Variants in SMARCA1 observed in about 807,000 individuals in gnomAD.
The protein encoded by SMARCA1 is SWI/SNF-related matrix-associated actin-dependent regulator of chromatin subfamily A member 1.
A neutral mutation model predicts 93.6 loss-of-function variants in SMARCA1; 17 were observed. The ratio of observed to expected loss-of-function variants is 0.18; its 90% CI spans 0.12 to 0.27. The LOEUF (loss-of-function observed/expected upper bound fraction) is 0.27, where lower values mean the gene tolerates loss of function less well. Among genes scored for constraint, SMARCA1 ranks in the 10% least tolerant of loss-of-function variants. The pLI is 1.00. For missense variants in SMARCA1, 630 were observed against 819.0 expected, an observed-to-expected ratio of 0.77 and a Z score of 2.82; for synonymous variants, 271 against 271.4, an observed-to-expected ratio of 1.00 and a Z score of 0.01.
intron 9 of SMARCA1, among the ~76,000 whole-genome samples, 173 bp downstream of exon 9, chrX:129,504,549 TAAAAAAAAAAAA>T (rs780225300): frequency 7.0e-4 from 17 of 24,204 alleles, no homozygotes; most frequent in South Asian, 0.01. Flanking sequence ...CATAGAGGAA[TAAAAAAAAAAAA>T]AAAAAAAAAA....
At position 129,469,946 on chromosome X, in the gene SMARCA1, T is replaced by C. The variant is rs187045554; in HGVS notation, c.2566-1041A>G. Among the ~76,000 whole-genome samples the C allele has an allele frequency of 4.1e-3, 461 of 111,811 alleles. 1 individual carries two copies. The highest frequency in any genetic ancestry group is 0.014 in the African/African-American group (440 of 30,850). On this transcript the variant is annotated intron_variant, in intron 20 of 24. Coordinates refer to ENST00000371121, the MANE Select transcript of SMARCA1 (RefSeq NM_001282874.2). ...TATTTTATTCTGTGGTAAGTTCTAA[T>C]ATTCAGCCATCTGCCATTATATTTT... is the stretch of plus-strand genomic sequence containing the variant.
At chrX:129,490,248 C>G in intron 14 of SMARCA1, 56 bp from the exon 15 acceptor site, 1 of 825,044 alleles carries the variant, frequency 1.2e-6, no homozygotes, top group Non-Finnish European at 1.7e-6. Context: ...AATTTAGAGC[C>G]ATCATATGCT....
intron 6 of SMARCA1, among the ~76,000 whole-genome samples, chrX:129,508,854 T>C (rs1934920322): frequency 8.9e-6 from 1 of 112,223 alleles, no homozygotes; most frequent in African/African-American, 3.2e-5. Context: ...CAAAAGTTAA[T>C]GGGAAGCAGC....
intron 2 of SMARCA1, 132 bp downstream of exon 2, chrX:129,518,224 GTATAT>G (rs1935269637): frequency 2.8e-6 from 1 of 359,506 alleles, no homozygotes; most frequent in South Asian, 7.6e-5. Context: ...GTGATAGATT[GTATAT>G]TAAATTATTT....
chrX:129,506,139 G>A lies in SMARCA1; in HGVS notation c.1039C>T (p.Leu347=). ...LLTGTPLQNN[L]HELWALLNFL... ...TTGAGTAAGGCCCACAGTTCATGCA[G>A]GTTATTCTGCAAAGGTGTTCCAGTT... The change falls in exon 8 of 25, where the codon CTG becomes TTG. Residue 347 remains leucine, a synonymous_variant. Transcript: ENST00000371121. The A allele has an allele frequency of 2.5e-6, 3 of 1,197,360 alleles. No individual in the cohort carries two copies. The highest frequency in any genetic ancestry group is 1.8e-5 in the South Asian group (1 of 56,549).
intron 7 of SMARCA1, 64 bp from the exon 8 acceptor site, chrX:129,506,275 T>C (rs1934805738): frequency 1.2e-6 from 1 of 823,422 alleles, no homozygotes; most frequent in South Asian, 2.6e-5. Flanking sequence ...TCAGTTATAC[T>C]GTAATTTATC....
intron 6 of SMARCA1, among the ~76,000 whole-genome samples, chrX:129,511,210 C>T (rs757530649): frequency 9.9e-5 from 11 of 111,272 alleles, no homozygotes; most frequent in Non-Finnish European, 2.1e-4. Context: ...AAACACCCCC[C>T]TAAAATGCCC....
intron 21 of SMARCA1, among the ~76,000 whole-genome samples, chrX:129,468,050 A>G (rs901617285): frequency 8.9e-6 from 1 of 112,862 alleles, no homozygotes; most frequent in Non-Finnish European, 1.9e-5. Context: ...CTAAACACGA[A>G]GAGGTTTCGC....
At chrX:129,466,154 C>G (rs1390203691) in intron 21 of SMARCA1, among the ~76,000 whole-genome samples, 192 bp from the exon 22 acceptor site, 1 of 110,972 alleles carries the variant, frequency 9.0e-6, no homozygotes, top group African/African-American at 3.3e-5. Context: ...AATAAGACCT[C>G]AAAACAAGGT....
At chrX:129,451,895 G>A (rs1369184720) in intron 23 of SMARCA1, among the ~76,000 whole-genome samples, 2 of 110,875 alleles carry the variant, frequency 1.8e-5, no homozygotes, top group African/African-American at 6.6e-5. Flanking sequence ...AGTAGAGACA[G>A]GGTTTCACCA....
chrX:129,468,137 AC>A (rs1463505643), intron 21 of SMARCA1, among the ~76,000 whole-genome samples: 1 of 112,652 alleles, frequency 8.9e-6, no homozygotes, highest in East Asian at 2.8e-4. Context: ...CCTTTACAAT[AC>A]CCTTTATAAT....
chrX:129,486,942 G>A, intron 17 of SMARCA1, 76 bp downstream of exon 17: 1 of 815,587 alleles, frequency 1.2e-6, no homozygotes, highest in Non-Finnish European at 1.8e-6. Context: ...TAATAGGTAA[G>A]TGCCAGTGTT....
At chrX:129,450,664 G>GTAT (rs755183646) in intron 23 of SMARCA1, among the ~76,000 whole-genome samples, 13 of 110,908 alleles carry the variant, frequency 1.2e-4, no homozygotes, top group South Asian at 7.5e-4. Context: ...ACACAGACAC[G>GTAT]TATTATTATT....
At chrX:129,449,322 C>G (rs1932167466) in intron 23 of SMARCA1, among the ~76,000 whole-genome samples, 1 of 111,895 alleles carries the variant, frequency 8.9e-6, no homozygotes, top group Non-Finnish European at 1.9e-5. Flanking sequence ...CCTATGTGCA[C>G]TGTGAACCAC....
At chrX:129,490,792 G>A (rs1304319046) in intron 14 of SMARCA1, among the ~76,000 whole-genome samples, 1 of 109,581 alleles carries the variant, frequency 9.1e-6, no homozygotes, top group Non-Finnish European at 1.9e-5. Flanking sequence ...GGAGGAGGGT[G>A]GTAGAGAAAA....
intron 12 of SMARCA1, among the ~76,000 whole-genome samples, chrX:129,494,389 C>T (rs1934242274): frequency 9.0e-6 from 1 of 111,646 alleles, no homozygotes; most frequent in East Asian, 2.8e-4. Context: ...CTATAGCACA[C>T]GGAATAGTGT....
intron 19 of SMARCA1, among the ~76,000 whole-genome samples, chrX:129,473,958 TA>T (rs1379717806): frequency 8.9e-6 from 1 of 111,811 alleles, no homozygotes; most frequent in Non-Finnish European, 1.9e-5. Flanking sequence ...AATGTTACTT[TA>T]AAAAATCATA....
rs147833902 is a variant in SMARCA1, at chrX:129,491,151, T to C, written c.1815+790A>G. The stretch of plus-strand genomic sequence containing the variant: ...GTGGTCAATCCCTTTCAATTCTCTA[T>C]TATAAAAGGAAAGCCTTCTAAGTTA... On this transcript the variant is annotated intron_variant, in intron 14 of 24. Transcript: ENST00000371121. 5.9e-3 allele frequency among the ~76,000 whole-genome samples: 662 copies of C among 112,030 alleles called. 4 individuals are homozygous for C. The highest frequency in any genetic ancestry group is 0.02 in the African/African-American group (620 of 30,878).
intron 17 of SMARCA1, among the ~76,000 whole-genome samples, chrX:129,484,596 A>G (rs746670040): frequency 8.9e-6 from 1 of 112,210 alleles, no homozygotes; most frequent in South Asian, 3.7e-4. Flanking sequence ...GTTCAAAAAT[A>G]TAACAGCTTT....
Sources: allele counts gnomAD v4.1 joint callset (sites outside exome capture counted in the v4.1 genomes callset), GRCh38; gene constraint gnomAD v4.1.1; transcripts MANE v1.5; gene names NCBI Gene and HGNC (gene_info 2026-07-23, HGNC 2026-07-21).